Variants in PRSS23 observed in about 807,000 individuals in gnomAD.
The protein encoded by PRSS23 is protease, serine 23.
A neutral mutation model predicts 34.7 loss-of-function variants in PRSS23; 25 were observed. The observed-to-expected ratio is 0.72, with a 90% CI of 0.53 to 1.01. PRSS23 has a LOEUF of 1.01. PRSS23 is among the 50% of genes least tolerant of loss of function. The pLI, the probability that PRSS23 is intolerant of heterozygous loss-of-function variation, is 0.00. For missense variants in PRSS23, 445 were observed against 475.6 expected (o/e 0.94, Z 0.60); for synonymous variants, 176 against 186.6 (o/e 0.94, Z 0.46).
chr11:86,948,265 G>C (rs1247463565), intron 2 of PRSS23: 1 of 152,134 alleles, frequency 6.6e-6, no homozygotes, highest in African/African-American at 2.4e-5. Flanking sequence ...AGAGGTCCCT[G>C]CTCCTTTCCC....
intron 2 of PRSS23, among the ~76,000 whole-genome samples, chr11:86,847,628 A>G (rs907803888): frequency 6.6e-6 from 1 of 151,938 alleles, no homozygotes; most frequent in Admixed American, 6.6e-5. Flanking sequence ...CAAACCGGAC[A>G]CTCCCTTAAG....
chr11:86,846,847 T>C (rs1374511560), intron 2 of PRSS23, among the ~76,000 whole-genome samples: 1 of 152,194 alleles, frequency 6.6e-6, no homozygotes, highest in Non-Finnish European at 1.5e-5. Context: ...GAAGGACCAG[T>C]TCCCCACCAT....
intron 2 of PRSS23, among the ~76,000 whole-genome samples, chr11:86,845,727 G>A (rs927825261): frequency 7.2e-5 from 11 of 151,834 alleles, no homozygotes; most frequent in African/African-American, 1.5e-4. Flanking sequence ...GCTATAAACA[G>A]CAAAAAAATT....
At chr11:86,923,371 A>C (rs1949059483) in intron 2 of PRSS23, among the ~76,000 whole-genome samples, 1 of 152,100 alleles carries the variant, frequency 6.6e-6, no homozygotes, top group Non-Finnish European at 1.5e-5. Context: ...CTCCCACCTA[A>C]GCCTCCCAAA....
At chr11:86,944,747 T>C (rs1307419587) in intron 2 of PRSS23, among the ~76,000 whole-genome samples, 1 of 152,220 alleles carries the variant, frequency 6.6e-6, no homozygotes, top group African/African-American at 2.4e-5. Flanking sequence ...GAATAGGTAA[T>C]GGAAAGAGAA....
At chr11:86,926,052 A>G (rs1949079268) in intron 2 of PRSS23, among the ~76,000 whole-genome samples, 1 of 152,220 alleles carries the variant, frequency 6.6e-6, no homozygotes, top group African/African-American at 2.4e-5. Context: ...GGTGCCCTAC[A>G]TTCATTTCTT....
At chr11:86,862,817 C>T (rs1948625296) in intron 2 of PRSS23, among the ~76,000 whole-genome samples, 1 of 151,280 alleles carries the variant, frequency 6.6e-6, no homozygotes, top group South Asian at 2.1e-4. Flanking sequence ...TTCATAATAT[C>T]CTAGGGGGGT....
downstream of PRSS23, among the ~76,000 whole-genome samples, chr11:86,812,326 T>G (rs180898270): frequency 1.4e-3 from 210 of 152,328 alleles, 1 homozygote; most frequent in Admixed American, 2.9e-3. Context: ...GGCTCAGCAT[T>G]CTGAGGGCCT....
chr11:86,862,881 C>T (rs1415901410), intron 2 of PRSS23, among the ~76,000 whole-genome samples: 1 of 151,704 alleles, frequency 6.6e-6, no homozygotes, highest in African/African-American at 2.4e-5. Context: ...TCATAATATT[C>T]TAGGGAGATA....
At chr11:86,827,178 A>T (rs1355580881) in intron 2 of PRSS23, among the ~76,000 whole-genome samples, 1 of 152,142 alleles carries the variant, frequency 6.6e-6, no homozygotes, top group South Asian at 2.1e-4. Context: ...AGAGCCTGTT[A>T]TTGGTCTATA....
At chr11:86,871,384 A>T (rs184047363) in intron 2 of PRSS23, among the ~76,000 whole-genome samples, 1 of 150,554 alleles carries the variant, frequency 6.6e-6, no homozygotes, top group African/African-American at 2.4e-5. Context: ...CTCACCAGGA[A>T]CTCTTCTCTT....
chr11:86,792,757 GAA>G (rs1212436543), intron 1 of PRSS23, among the ~76,000 whole-genome samples: 1 of 152,182 alleles, frequency 6.6e-6, no homozygotes, highest in East Asian at 1.9e-4. Context: ...AGATGGATAT[GAA>G]AGAGTTTCAG....
chr11:86,919,819 A>C (rs61903808), intron 2 of PRSS23, among the ~76,000 whole-genome samples: 5,550 of 152,176 alleles, frequency 0.036, 149 homozygotes, highest in Middle Eastern at 0.088. Context: ...TTCTAGCCCA[A>C]GTTTAAGGGA....
intron 2 of PRSS23, among the ~76,000 whole-genome samples, chr11:86,827,739 A>C (rs1052039819): frequency 1.3e-5 from 2 of 152,014 alleles, no homozygotes. Flanking sequence ...TTCTGCCTTC[A>C]TTTCGTTATG....
chr11:86,863,863 T>A (rs1330973779), intron 2 of PRSS23, among the ~76,000 whole-genome samples: 1 of 152,250 alleles, frequency 6.6e-6, no homozygotes, highest in African/African-American at 2.4e-5. Flanking sequence ...CAAGGCTGCA[T>A]TGTAATTCTC....
chr11:86,820,022 A>G (rs1207749601), intron 1 of PRSS23, among the ~76,000 whole-genome samples: 1 of 152,196 alleles, frequency 6.6e-6, no homozygotes, highest in Non-Finnish European at 1.5e-5. Context: ...AAGTCCAAAA[A>G]ATGTATAACT....
chr11:86,925,733 T>C (rs1949076719), intron 2 of PRSS23, among the ~76,000 whole-genome samples: 1 of 152,236 alleles, frequency 6.6e-6, no homozygotes, highest in Non-Finnish European at 1.5e-5. Flanking sequence ...GTGATGACTT[T>C]TGTAAGACTT....
intron 2 of PRSS23, among the ~76,000 whole-genome samples, chr11:86,868,732 T>C (rs922401778): frequency 6.6e-6 from 1 of 152,152 alleles, no homozygotes; most frequent in Non-Finnish European, 1.5e-5. Context: ...GCAGCTTGCA[T>C]AGAGGGAAGC....
rs141322837 is a variant in PRSS23, at chr11:86,944,202, A to G, written c.207-7014A>G. ...CTTGGCCTGTAGCTGCATAACTCCA[A>G]TCTCTGTGTCGGCCTTCCCATGGCA... On this transcript the variant is annotated intron_variant, in intron 2 of 2. Transcript: ENST00000533902. Among the ~76,000 whole-genome samples the G allele has an allele frequency of 5.4e-4, 82 of 151,642 alleles. 1 individual carries two copies. In the East Asian group the frequency reaches 0.013, roughly 24 times the overall value.
Sources: gnomAD v4.1 joint callset for allele counts (sites outside exome capture counted in the v4.1 genomes callset) on GRCh38, gnomAD v4.1.1 for gene constraint, MANE v1.5 for transcripts, NCBI Gene and HGNC (gene_info 2026-07-23, HGNC 2026-07-21) for gene names.